The following SLC24A3 variants were observed in gnomAD, a reference collection of about 807,000 sequenced individuals.
SLC24A3 encodes sodium/potassium/calcium exchanger 3.
In SLC24A3, 28 loss-of-function variants were observed where a neutral mutation model predicts 75.8. The observed-to-expected ratio is 0.37, with a 90% CI of 0.27 to 0.51. SLC24A3 has a LOEUF of 0.51. SLC24A3 is among the 20% of genes least tolerant of loss of function. SLC24A3 has a pLI of 0.94. For synonymous variants in SLC24A3, 372 were observed against 334.1 expected (o/e 1.11, Z -1.24); for missense variants, 663 against 847.8 (o/e 0.78, Z 2.71).
At chr20:19,299,519 G>C (rs988433845) in intron 2 of SLC24A3, among the ~76,000 whole-genome samples, 1 of 152,148 alleles carries the variant, frequency 6.6e-6, no homozygotes, top group Non-Finnish European at 1.5e-5. Flanking sequence ...AGAAAATTTT[G>C]CCAAAACTCC....
chr20:19,640,079 C>A (rs2032057531), intron 6 of SLC24A3, among the ~76,000 whole-genome samples: 1 of 152,242 alleles, frequency 6.6e-6, no homozygotes, highest in Non-Finnish European at 1.5e-5. Flanking sequence ...GAAAGGGGCT[C>A]CCACAGTGCA....
At chr20:19,562,090 A>G (rs1188598811) in intron 3 of SLC24A3, among the ~76,000 whole-genome samples, 2 of 152,064 alleles carry the variant, frequency 1.3e-5, no homozygotes, top group African/African-American at 4.8e-5. Context: ...GTGCCTTTAT[A>G]TGATCTCCTG....
At chr20:19,529,045 T>C (rs1248554246) in intron 3 of SLC24A3, among the ~76,000 whole-genome samples, 2 of 152,192 alleles carry the variant, frequency 1.3e-5, no homozygotes, top group Admixed American at 6.5e-5. Flanking sequence ...ACACACAATG[T>C]ATATTTATGG....
At chr20:19,400,595 C>G (rs571508045) in intron 2 of SLC24A3, among the ~76,000 whole-genome samples, 9 of 152,322 alleles carry the variant, frequency 5.9e-5, no homozygotes, top group Admixed American at 5.2e-4. Context: ...GGACCCTCTG[C>G]AACCCTCTAG....
At chr20:19,517,622 GCCCT>G (rs1207207218) in intron 3 of SLC24A3, among the ~76,000 whole-genome samples, 1 of 152,166 alleles carries the variant, frequency 6.6e-6, no homozygotes, top group African/African-American at 2.4e-5. Context: ...CCTGCCCTGG[GCCCT>G]ACACTTTAGA....
intron 12 of SLC24A3, among the ~76,000 whole-genome samples, chr20:19,689,384 A>G (rs2032719416): frequency 6.6e-6 from 1 of 152,150 alleles, no homozygotes; most frequent in South Asian, 2.1e-4. Flanking sequence ...GCCAAGTCCA[A>G]CTCAAAGGGA....
chr20:19,271,687 C>G (rs926382473), intron 1 of SLC24A3, among the ~76,000 whole-genome samples: 1 of 152,162 alleles, frequency 6.6e-6, no homozygotes, highest in Non-Finnish European at 1.5e-5. Context: ...GCATTTGCAG[C>G]AACCTGGGTG....
At chr20:19,488,373 C>A (rs1568632423) in intron 2 of SLC24A3, among the ~76,000 whole-genome samples, 1 of 152,182 alleles carries the variant, frequency 6.6e-6, no homozygotes, top group Non-Finnish European at 1.5e-5. Context: ...GGATGGGAAT[C>A]CTTTATACTG....
At position 19,240,876 on chromosome 20, in the gene SLC24A3, G is replaced by A. The variant is rs190071024; in HGVS notation, c.142+27892G>A. Among the ~76,000 whole-genome samples, 950 of 152,262 alleles carry A rather than the reference G, an allele frequency of 6.2e-3. 42 individuals carry two copies. The highest frequency in any genetic ancestry group is 0.058 in the Admixed American group (893 of 15,294). On this transcript the variant is annotated intron_variant, in intron 1 of 16. Coordinates refer to ENST00000328041, the MANE Select transcript of SLC24A3 (RefSeq NM_020689.4). The stretch of plus-strand genomic sequence containing the variant: ...GGGAAATGTGTGACTCCTAAGCAAG[G>A]CAGCTTCTCTGGACATGGGGGAAGC...
At chr20:19,255,172 G>A (rs1405668831) in intron 1 of SLC24A3, among the ~76,000 whole-genome samples, 3 of 152,308 alleles carry the variant, frequency 2.0e-5, no homozygotes, top group South Asian at 4.1e-4. Context: ...CATCTCCAGG[G>A]CTACCCTGCA....
intron 6 of SLC24A3, among the ~76,000 whole-genome samples, chr20:19,647,657 AACTTAC>A (rs1216881845): frequency 6.6e-6 from 1 of 152,212 alleles, no homozygotes; most frequent in Non-Finnish European, 1.5e-5. Flanking sequence ...AGCAGGCAAT[AACTTAC>A]ACTTAACATG....
At chr20:19,429,863 G>T (rs1015171034) in intron 2 of SLC24A3, among the ~76,000 whole-genome samples, 2 of 152,122 alleles carry the variant, frequency 1.3e-5, no homozygotes, top group Non-Finnish European at 2.9e-5. Context: ...TCACCCTAAA[G>T]CAGGGAGAAT....
At chr20:19,687,606 G>A (rs971428979) in intron 12 of SLC24A3, among the ~76,000 whole-genome samples, 2 of 152,214 alleles carry the variant, frequency 1.3e-5, no homozygotes, top group African/African-American at 4.8e-5. Context: ...TGGAAGTTCT[G>A]TAAGTGACCA....
chr20:19,553,003 G>A (rs528619724), intron 3 of SLC24A3, among the ~76,000 whole-genome samples: 134 of 150,716 alleles, frequency 8.9e-4, no homozygotes, highest in Admixed American at 7.7e-3. Context: ...CCTTTCCCTC[G>A]TTCCCTCCAT....
chr20:19,419,650 G>A (rs1030585853), intron 2 of SLC24A3, among the ~76,000 whole-genome samples: 6 of 152,056 alleles, frequency 3.9e-5, no homozygotes, highest in African/African-American at 1.4e-4. Context: ...GGAAAAGGGT[G>A]TGCAGCCTCC....
At chr20:19,469,121 A>G (rs1369908702) in intron 2 of SLC24A3, among the ~76,000 whole-genome samples, 4 of 152,142 alleles carry the variant, frequency 2.6e-5, no homozygotes, top group Non-Finnish European at 5.9e-5. Flanking sequence ...CTGGATGGTC[A>G]TCTCCATGGA....
At chr20:19,401,371 T>G (rs1986550217) in intron 2 of SLC24A3, among the ~76,000 whole-genome samples, 1 of 152,210 alleles carries the variant, frequency 6.6e-6, no homozygotes, top group South Asian at 2.1e-4. Flanking sequence ...GATTTCTAGA[T>G]GGAAACGATT....
chr20:19,553,191 G>C (rs1039087063), intron 3 of SLC24A3, among the ~76,000 whole-genome samples: 2 of 150,966 alleles, frequency 1.3e-5, no homozygotes, highest in African/African-American at 4.9e-5. Flanking sequence ...TTGTGTGCAC[G>C]TGTATGTCCG....
At chr20:19,638,799 G>T (rs372278145) in intron 6 of SLC24A3, among the ~76,000 whole-genome samples, 14 of 152,126 alleles carry the variant, frequency 9.2e-5, no homozygotes, top group African/African-American at 3.1e-4. Context: ...GACCCTCGCG[G>T]TGAGTGTTAC....
Sources: allele counts gnomAD v4.1 joint callset (sites outside exome capture counted in the v4.1 genomes callset), GRCh38; gene constraint gnomAD v4.1.1; transcripts MANE v1.5; gene names NCBI Gene and HGNC (gene_info 2026-07-23, HGNC 2026-07-21).